MLXIP: variants seen among roughly 807,000 people sequenced by gnomAD.
MLXIP encodes MLX-interacting protein.
Under a neutral mutation model 87.2 loss-of-function variants are expected in MLXIP, and 30 were observed. That is an observed-to-expected ratio of 0.34 (90% CI 0.26 to 0.47). MLXIP has a LOEUF of 0.47. Among genes scored for constraint, MLXIP ranks in the 20% least tolerant of loss-of-function variants. The pLI, the probability that MLXIP is intolerant of heterozygous loss-of-function variation, is 1.00. For missense variants in MLXIP, 1,002 were observed against 1,240.1 expected (o/e 0.81, Z 2.88); for synonymous variants, 530 against 514.0 (o/e 1.03, Z -0.42).
chr12:122,089,637 G>A (rs1326278822), intron 1 of MLXIP, among the ~76,000 whole-genome samples: 1 of 150,952 alleles, frequency 6.6e-6, no homozygotes, highest in South Asian at 2.1e-4. Flanking sequence ...TTTTTTTTTA[G>A]TTGTGCAGTC....
rs571427563 is a variant in MLXIP, at chr12:122,097,229, G to T, written c.413+17963G>T. Among the ~76,000 whole-genome samples the T allele has an allele frequency of 1.9e-4, 29 of 152,070 alleles. 1 individual carries two copies. Among genetic ancestry groups the T allele is most frequent in the Non-Finnish European group, 2.5e-4 (17 of 68,022 alleles). The stretch of plus-strand genomic sequence containing the variant: ...CACCCAGGCTGGAGTGCAATGGTGT[G>T]ATCACAGCTCACTGCAGCGTTGAAC... On this transcript the variant is annotated intron_variant, in intron 1 of 16. Transcript: ENST00000319080.
At chr12:122,090,884 C>T (rs1008997206) in intron 1 of MLXIP, among the ~76,000 whole-genome samples, 7 of 152,196 alleles carry the variant, frequency 4.6e-5, no homozygotes, top group Admixed American at 1.3e-4. Flanking sequence ...CGTATGTGAT[C>T]TGTTGATGCG....
chr12:122,098,976 G>A (rs893283611), intron 1 of MLXIP, among the ~76,000 whole-genome samples: 2 of 152,202 alleles, frequency 1.3e-5, no homozygotes, highest in African/African-American at 2.4e-5. Context: ...GGTGGCTCAC[G>A]CCTGTAATCC....
At chr12:122,090,152 A>G (rs1436518636) in intron 1 of MLXIP, among the ~76,000 whole-genome samples, 1 of 152,228 alleles carries the variant, frequency 6.6e-6, no homozygotes, top group Non-Finnish European at 1.5e-5. Context: ...ACAAATTACC[A>G]GTATATGCCA....
At chr12:122,085,112 A>G (rs1952147166) in intron 1 of MLXIP, among the ~76,000 whole-genome samples, 2 of 151,808 alleles carry the variant, frequency 1.3e-5, no homozygotes. Flanking sequence ...GGAAACCCAG[A>G]TGGGGAAGGT....
chr12:122,107,148 T>C (rs980241814), intron 1 of MLXIP, among the ~76,000 whole-genome samples: 5 of 152,176 alleles, frequency 3.3e-5, no homozygotes, highest in Admixed American at 6.5e-5. Flanking sequence ...TGCTGTGAAG[T>C]GTGCCTGAGA....
At position 122,142,419 on chromosome 12, in the gene MLXIP, CAT is replaced by C. The variant is rs1341171715; in HGVS notation, c.*608_*609del. On this transcript the variant is annotated 3_prime_UTR_variant, in exon 17 of 17. Transcript: ENST00000319080. ...CCTTCTTCAGAGGTCCTCCAGGACA[CAT>C]GTGTGCAGAAACGGTGGATGTGGAA... The C allele has an allele frequency of 3.4e-5, 15 of 447,502 alleles. No homozygotes were observed. Among genetic ancestry groups the C allele is most frequent in the African/African-American group, 7.9e-5 (4 of 50,606 alleles). The allele number at this position is 447,502 out of a possible 1,614,324, so 27.7% of individuals were successfully genotyped here.
intron 1 of MLXIP, among the ~76,000 whole-genome samples, chr12:122,108,900 AGAC>A (rs1216469037): frequency 6.6e-6 from 1 of 152,194 alleles, no homozygotes; most frequent in Non-Finnish European, 1.5e-5. Flanking sequence ...TGAAAGAGAG[AGAC>A]ATTAGTCACT....
In MLXIP at chr12:122,079,243, C is replaced by T; in HGVS notation, c.390C>T (p.Phe130=). The T allele has an allele frequency of 6.4e-7, 1 of 1,550,932 alleles. No homozygotes were observed. The highest frequency in any genetic ancestry group is 8.7e-7 in the Non-Finnish European group (1 of 1,146,644). Reference sequence around the variant, plus strand: ...TCGACGCCTCGCTCACCAAGCTCTTCGAGTGCATGACTTTGGCCTACAGGT... The same window carrying T: ...TCGACGCCTCGCTCACCAAGCTCTTTGAGTGCATGACTTTGGCCTACAGGT... The part of the protein sequence containing the change: ...LSIDASLTKL[F]ECMTLAYSGK... The change falls in exon 1 of 17, where the codon TTC becomes TTT. Residue 130 remains phenylalanine (F), a synonymous_variant. Transcript: ENST00000319080.
chr12:122,140,105 C>G (rs1279407676), intron 15 of MLXIP, among the ~76,000 whole-genome samples: 3 of 152,184 alleles, frequency 2.0e-5, no homozygotes, highest in African/African-American at 7.2e-5. Context: ...TGAATCAGAG[C>G]TTCTTTGATG....
Position 122,133,444 on chromosome 12 carries a change from C to T in MLXIP, c.1189C>T (p.Gln397Ter), listed in dbSNP as rs1953018100. 6.2e-7 allele frequency: 1 copy of T among 1,613,108 alleles called. No individual in the cohort carries two copies. The highest frequency in any genetic ancestry group is 1.3e-5 in the African/African-American group (1 of 74,854). ...CCCATCCCTGGCTCACATGGATGAG[C>T]AGGGCTGTGAACACACCTCCCGGAC... is the stretch of plus-strand genomic sequence containing the variant. ...TAPSLAHMDE[Q>*]GCEHTSRTED... Residue 397 changes from glutamine (Q) to a stop codon, truncating the protein, a stop_gained, in exon 9 of 17, where the codon CAG (glutamine) becomes TAG (stop). Coordinates refer to ENST00000319080, the MANE Select transcript of MLXIP (RefSeq NM_014938.6). LOFTEE classifies it high-confidence loss of function. The surrounding 1 kb of genome is among the most constrained non-coding windows in gnomAD (Gnocchi z 4.9).
intron 1 of MLXIP, among the ~76,000 whole-genome samples, chr12:122,098,672 G>T (rs1388924265): frequency 6.6e-6 from 1 of 152,228 alleles, no homozygotes; most frequent in Admixed American, 6.5e-5. Context: ...AAGTCACGGG[G>T]ACTTGAGGGT....
chr12:122,087,635 G>T (rs1377358125), intron 1 of MLXIP, among the ~76,000 whole-genome samples: 1 of 152,240 alleles, frequency 6.6e-6, no homozygotes, highest in South Asian at 2.1e-4. Context: ...AGGTAAGATA[G>T]AAGAGGCAAG....
chr12:122,144,169 T>C lies in MLXIP; in HGVS notation c.*2357T>C, dbSNP rs1205548402. ...GCAGGAACATCTGAGGCCACTCTGC[T>C]GGCCACCTCCAGTGGGTGCTGACCA... is the stretch of plus-strand genomic sequence containing the variant. On this transcript the variant is annotated 3_prime_UTR_variant, in exon 17 of 17. Coordinates refer to ENST00000319080, the MANE Select transcript of MLXIP (RefSeq NM_014938.6). The C allele has an allele frequency of 2.6e-5, 4 of 152,696 alleles. No homozygotes were observed. Among genetic ancestry groups the C allele is most frequent in the Non-Finnish European group, 4.4e-5 (3 of 68,058 alleles). 9.5% of individuals were successfully genotyped at this position (152,696 alleles called of 1,614,324 possible).
chr12:122,094,370 T>G (rs1952310195), intron 1 of MLXIP, among the ~76,000 whole-genome samples: 1 of 138,370 alleles, frequency 7.2e-6, no homozygotes, highest in Non-Finnish European at 1.6e-5. Context: ...GGTGGGTGTA[T>G]GTTTGCAGTG....
chr12:122,088,989 T>A (rs1952208216), intron 1 of MLXIP, among the ~76,000 whole-genome samples: 1 of 127,654 alleles, frequency 7.8e-6, no homozygotes, highest in African/African-American at 3.1e-5. Context: ...CTGGTCAATG[T>A]AGTGAGACCC....
Position 122,141,907 on chromosome 12 carries a change from C to G in MLXIP, c.*95C>G. On this transcript the variant is annotated 3_prime_UTR_variant, in exon 17 of 17. Coordinates refer to ENST00000319080, the MANE Select transcript of MLXIP (RefSeq NM_014938.6). ...CCCCCCAGCCCTTCCTGACGCTCAG[C>G]CTCGGGGCCTCTCTCCAACTCTGCC... 1 of 1,537,378 alleles carries G rather than the reference C, an allele frequency of 6.5e-7. No homozygotes were observed. Among genetic ancestry groups the G allele is most frequent in the Admixed American group, 1.8e-5 (1 of 54,994 alleles).
At position 122,135,845 on chromosome 12, in the gene MLXIP, G is replaced by A; in HGVS notation, c.2032+179G>A. The A allele has an allele frequency of 1.3e-6, 1 of 791,612 alleles. No individual in the cohort carries two copies. Among genetic ancestry groups the A allele is most frequent in the Non-Finnish European group, 1.9e-6 (1 of 535,424 alleles). 49.0% of individuals were successfully genotyped at this position (791,612 alleles called of 1,614,324 possible). ...GAACACGCTCTGTGGGTGGCAGGAT[G>A]AAATGTGGTGGCACTGGCAGGGCAA... On this transcript the variant is annotated intron_variant, in intron 11 of 16. Transcript: ENST00000319080. The surrounding 1 kb of genome is among the most constrained non-coding windows in gnomAD (Gnocchi z 5.3).
At position 122,147,031 on chromosome 12, in the gene MLXIP, GGCGGAA is replaced by G. The variant is rs2136005207; in HGVS notation, c.*5222_*5227del. The G allele has an allele frequency of 6.6e-6, 1 of 152,330 alleles. No homozygotes were observed. The highest frequency in any genetic ancestry group is 1.5e-5 in the Non-Finnish European group (1 of 68,042). 9.4% of individuals were successfully genotyped at this position (152,330 alleles called of 1,614,324 possible). On this transcript the variant is annotated 3_prime_UTR_variant, in exon 17 of 17. Transcript: ENST00000319080. Reference sequence around the variant, plus strand: ...GGATTCACTTGCTGATTTTGTTCACGGCGGAAGCACCATGTTCCGTTCCTTTTTCAG... The same window carrying G: ...GGATTCACTTGCTGATTTTGTTCACGGCACCATGTTCCGTTCCTTTTTCAG...
Sources: allele counts gnomAD v4.1 joint callset (sites outside exome capture counted in the v4.1 genomes callset), GRCh38; gene constraint gnomAD v4.1.1; non-coding constraint Gnocchi (gnomAD v3.1); transcripts MANE v1.5; gene names NCBI Gene and HGNC (gene_info 2026-07-23, HGNC 2026-07-21).